HSPA1L: variants seen among roughly 807,000 people sequenced by gnomAD.
The protein encoded by HSPA1L is heat shock 70 kDa protein 1-like.
HSPA1L carries 21 observed loss-of-function variants against 31.5 expected under a neutral mutation model. That is an observed-to-expected ratio of 0.67 (90% CI 0.47 to 0.96). The LOEUF (loss-of-function observed/expected upper bound fraction) is 0.96. Ranked by LOEUF, HSPA1L falls within the 40% of genes least tolerant of loss-of-function variation. The pLI is 0.00. For missense variants in HSPA1L, 709 were observed against 813.4 expected, an observed-to-expected ratio of 0.87 and a Z score of 1.56; for synonymous variants, 293 against 323.1, an observed-to-expected ratio of 0.91 and a Z score of 1.00.
chr6:31,809,832 C>CG lies in HSPA1L; in HGVS notation c.*214dup, dbSNP rs1815286534. The stretch of plus-strand genomic sequence containing the variant: ...ATAACAGACATTCAAATACATCACA[C>CG]GGTTTAAAGAGGGGCCTAGTTTTCC... On this transcript the variant is annotated 3_prime_UTR_variant, in exon 2 of 2. Transcript: ENST00000375654. 1 of 401,422 alleles carries CG rather than the reference C, an allele frequency of 2.5e-6. No individual in the cohort carries two copies. Among genetic ancestry groups the CG allele is most frequent in the Admixed American group, 4.3e-5 (1 of 23,084 alleles). The allele number at this position is 401,422 out of a possible 1,614,324, so 24.9% of individuals were successfully genotyped here. A position where few individuals can be genotyped will look rare whatever the true frequency, so the allele number is the denominator to read the frequency against.
Position 31,815,008 on chromosome 6 carries a change from G to T in HSPA1L, c.-133C>A, listed in dbSNP as rs1181717536. On this transcript the variant is annotated 5_prime_UTR_variant, in exon 1 of 2. Coordinates refer to ENST00000375654, the MANE Select transcript of HSPA1L (RefSeq NM_005527.4). The stretch of plus-strand genomic sequence containing the variant: ...CCGGGGTCCCCCCACCCCCCACCCC[G>T]TCCCTCCCTGCAAATTTGAGACGGC... 1.1e-6 allele frequency: 1 copy of T among 873,514 alleles called. No homozygotes were observed. Among genetic ancestry groups the T allele is most frequent in the Non-Finnish European group, 1.3e-6 (1 of 767,830 alleles). The allele number at this position is 873,514 out of a possible 1,614,324, so 54.1% of individuals were successfully genotyped here. A position where few individuals can be genotyped will look rare whatever the true frequency, so the allele number is the denominator to read the frequency against.
At chr6:31,812,081 T>C (rs1252217972) in intron 1 of HSPA1L, 96 bp from the exon 2 acceptor site, 1 of 1,430,796 alleles carries the variant, frequency 7.0e-7, no homozygotes, top group African/African-American at 1.4e-5. Flanking sequence ...CAGGTTGGAG[T>C]GCAGAGGCGC....
Position 31,811,108 on chromosome 6 carries a change from G to C in HSPA1L, c.865C>G (p.Leu289Val), listed in dbSNP as rs187074836. The C allele has an allele frequency of 5.6e-6, 9 of 1,614,092 alleles. No individual in the cohort carries two copies. The South Asian group carries it at 8.8e-5, about 16-fold the overall frequency. Residue 289 changes from leucine to valine, a missense_variant, in exon 2 of 2, where the codon CTT (leucine) becomes GTT (valine). Physicochemically the swap from Leu to Val is conservative, Grantham distance 32 (BLOSUM62 1). Transcript: ENST00000375654. ...STQANLEIDS[L>V]YEGIDFYTSI... ...GTATAGAAGTCAATGCCTTCATAAA[G>C]TGAATCAATTTCTAGGTTGGCCTGG...
Position 31,810,128 on chromosome 6 carries a change from T to C in HSPA1L, c.1845A>G (p.Gly615=). Residue 615 remains glycine, a synonymous_variant, in exon 2 of 2, where the codon GGA becomes GGG. Transcript: ENST00000375654. ...CNPIITKLYQ[G]GCTGPACGTG... Reference sequence around the variant, plus strand: ...TTCCGCAGGCAGGCCCAGTGCATCCTCCTTGGTAGAGTTTTGTGATGATAG... The same window carrying C: ...TTCCGCAGGCAGGCCCAGTGCATCCCCCTTGGTAGAGTTTTGTGATGATAG... The C allele has an allele frequency of 6.7e-7, 1 of 1,503,184 alleles. No homozygotes were observed. The highest frequency in any genetic ancestry group is 8.8e-7 in the Non-Finnish European group (1 of 1,131,002). The allele number at this position is 1,503,184 out of a possible 1,614,324, so 93.1% of individuals were successfully genotyped here.
In HSPA1L at chr6:31,810,520, T is replaced by G. The variant is rs1815333272; in HGVS notation, c.1453A>C (p.Asn485His). 5.6e-6 allele frequency: 9 copies of G among 1,613,174 alleles called. No individual in the cohort carries two copies. The highest frequency in any genetic ancestry group is 6.8e-6 in the Non-Finnish European group (8 of 1,179,574). ...QIEVTFDIDANGILNVTATDK... is the reference protein window; with the variant it reads ...QIEVTFDIDAHGILNVTATDK... Reference sequence around the variant, plus strand: ...GTGGCTGTGACATTGAGAATACCATTGGCATCAATGTCAAACGTCACCTCG... The same window carrying G: ...GTGGCTGTGACATTGAGAATACCATGGGCATCAATGTCAAACGTCACCTCG... The change falls in exon 2 of 2, where the codon AAT becomes CAT. Residue 485 changes from asparagine to histidine, a missense_variant. Physicochemically the swap from Asn to His is moderately conservative, Grantham distance 68. Transcript: ENST00000375654.
chr6:31,811,529 C>T lies in HSPA1L; in HGVS notation c.444G>A (p.Val148=), dbSNP rs1246640034. ...GTTGAGAGTCATTGAAATAGGCTGG[C>T]ACGGTAATCACTGCATTGGTGACAG... The part of the protein sequence containing the change: ...GHPVTNAVIT[V]PAYFNDSQRQ... The change falls in exon 2 of 2, where the codon GTG becomes GTA. Residue 148 remains valine (V), a synonymous_variant. Transcript: ENST00000375654. The T allele has an allele frequency of 4.3e-6, 7 of 1,614,164 alleles. No individual in the cohort carries two copies. Among genetic ancestry groups the T allele is most frequent in the Non-Finnish European group, 5.9e-6 (7 of 1,180,044 alleles).
Position 31,814,932 on chromosome 6 carries a change from T to C in HSPA1L, c.-57A>G, listed in dbSNP as rs963870612. 2.0e-6 allele frequency: 2 copies of C among 985,680 alleles called. No individual in the cohort carries two copies. Among genetic ancestry groups the C allele is most frequent in the Non-Finnish European group, 2.4e-6 (2 of 830,202 alleles). The allele number at this position is 985,680 out of a possible 1,614,324, so 61.1% of individuals were successfully genotyped here. On this transcript the variant is annotated 5_prime_UTR_variant, in exon 1 of 2. Transcript: ENST00000375654. ...CGCTTCAGTTTGGAAACGTCCAGATTACGCAGCCCCAGCGAGTAGGTGGGG... is the reference window on the plus strand; with the variant it reads ...CGCTTCAGTTTGGAAACGTCCAGATCACGCAGCCCCAGCGAGTAGGTGGGG...
At position 31,810,213 on chromosome 6, in the gene HSPA1L, T is replaced by G. The variant is rs1271096786; in HGVS notation, c.1760A>C (p.Gln587Pro). ...NELLSWLEVN[Q>P]LAEKDEFDHK... ...ATCAAACTCATCTTTCTCTGCCAGT[T>G]GATTGACCTCCAGCCACGAAAGGAG... The change falls in exon 2 of 2, where the codon CAA becomes CCA. Residue 587 changes from glutamine to proline, a missense_variant. Transcript: ENST00000375654. 1 of 1,526,454 alleles carries G rather than the reference T, an allele frequency of 6.6e-7. No individual in the cohort carries two copies. Among genetic ancestry groups the G allele is most frequent in the East Asian group, 2.3e-5 (1 of 44,158 alleles). 94.6% of individuals were successfully genotyped at this position (1,526,454 alleles called of 1,614,324 possible). A position where few individuals can be genotyped will look rare whatever the true frequency, so the allele number is the denominator to read the frequency against.
Position 31,811,803 on chromosome 6 carries a change from G to A in HSPA1L, c.170C>T (p.Ala57Val). The change falls in exon 2 of 2, where the codon GCC (alanine) becomes GTC (valine). Residue 57 changes from alanine (A) to valine (V), a missense_variant. Ala to Val is a moderately conservative substitution (Grantham distance 64, BLOSUM62 0). Transcript: ENST00000375654. ...GGGATTCATTGCTACCTGGTTCTTGGCCGCATCCCCAATGAGCCGCTCGGT... is the reference window on the plus strand; with the variant it reads ...GGGATTCATTGCTACCTGGTTCTTGACCGCATCCCCAATGAGCCGCTCGGT... ...TDTERLIGDA[A>V]KNQVAMNPQN... is the part of the protein sequence containing the mutation. The A allele has an allele frequency of 1.2e-6, 2 of 1,614,094 alleles. No homozygotes were observed. The highest frequency in any genetic ancestry group is 1.7e-6 in the Non-Finnish European group (2 of 1,180,012).
chr6:31,809,923 C>T lies in HSPA1L; in HGVS notation c.*124G>A. The T allele has an allele frequency of 2.5e-6, 2 of 801,656 alleles. No homozygotes were observed. The highest frequency in any genetic ancestry group is 8.7e-5 in the South Asian group (2 of 22,994). The allele number at this position is 801,656 out of a possible 1,614,324, so 49.7% of individuals were successfully genotyped here. A position where few individuals can be genotyped will look rare whatever the true frequency, so the allele number is the denominator to read the frequency against. On this transcript the variant is annotated 3_prime_UTR_variant, in exon 2 of 2. Coordinates refer to ENST00000375654, the MANE Select transcript of HSPA1L (RefSeq NM_005527.4). Reference sequence around the variant, plus strand: ...TGATAGGTGGTGCATGAGACTCCTTCTCCAGAATTTCCAAGGGATGGTAAC... The same window carrying T: ...TGATAGGTGGTGCATGAGACTCCTTTTCCAGAATTTCCAAGGGATGGTAAC...
At position 31,811,855 on chromosome 6, in the gene HSPA1L, T is replaced by G; in HGVS notation, c.118A>C (p.Thr40Pro). The change falls in exon 2 of 2, where the codon ACC (threonine) becomes CCC (proline). Residue 40 changes from threonine to proline, a missense_variant. Thr to Pro is a conservative substitution (Grantham distance 38). Transcript: ENST00000375654. The part of the protein sequence containing the change: ...IIANDQGNRT[T>P]PSYVAFTDTE... ...TCTGTGAAGGCCACGTAGCTGGGGGTGGTGCGGTTGCCCTGGTCGTTGGCG... is the reference window on the plus strand; with the variant it reads ...TCTGTGAAGGCCACGTAGCTGGGGGGGGTGCGGTTGCCCTGGTCGTTGGCG... 1 of 1,614,090 alleles carries G rather than the reference T, an allele frequency of 6.2e-7. No individual in the cohort carries two copies. Among genetic ancestry groups the G allele is most frequent in the South Asian group, 1.1e-5 (1 of 91,076 alleles).
At position 31,815,013 on chromosome 6, in the gene HSPA1L, T is replaced by A. The variant is rs1473988375; in HGVS notation, c.-138A>T. The A allele has an allele frequency of 1.4e-5, 3 of 211,012 alleles. No individual in the cohort carries two copies. The highest frequency in any genetic ancestry group is 1.2e-4 in the African/African-American group (2 of 16,338). The allele number at this position is 211,012 out of a possible 1,614,324, so 13.1% of individuals were successfully genotyped here. A position where few individuals can be genotyped will look rare whatever the true frequency, so the allele number is the denominator to read the frequency against. ...GTCCCCCCACCCCCCACCCCGTCCC[T>A]CCCTGCAAATTTGAGACGGCTCCAA... is the stretch of plus-strand genomic sequence containing the variant. On this transcript the variant is annotated 5_prime_UTR_variant, in exon 1 of 2. Transcript: ENST00000375654.
In HSPA1L at chr6:31,810,531, T is replaced by A. The variant is rs1815334415; in HGVS notation, c.1442A>T (p.Asp481Val). The change falls in exon 2 of 2, where the codon GAC (aspartate) becomes GTC (valine). Residue 481 changes from aspartate (D) to valine (V), a missense_variant. Coordinates refer to ENST00000375654, the MANE Select transcript of HSPA1L (RefSeq NM_005527.4). ...ATTGAGAATACCATTGGCATCAATG[T>A]CAAACGTCACCTCGATCTGAGGAAC... is the stretch of plus-strand genomic sequence containing the variant. ...RGVPQIEVTF[D>V]IDANGILNVT... is the part of the protein sequence containing the mutation. 1 of 1,613,114 alleles carries A rather than the reference T, an allele frequency of 6.2e-7. No homozygotes were observed. Among genetic ancestry groups the A allele is most frequent in the Non-Finnish European group, 8.5e-7 (1 of 1,179,548 alleles).
intron 1 of HSPA1L, among the ~76,000 whole-genome samples, chr6:31,812,777 G>A (rs1262507093): frequency 1.3e-5 from 2 of 152,134 alleles, no homozygotes; most frequent in East Asian, 3.8e-4. Flanking sequence ...TACTCATTAA[G>A]TAACTCCCGT....
At position 31,811,714 on chromosome 6, in the gene HSPA1L, CTT is replaced by C; in HGVS notation, c.257_258del (p.Gln86ArgfsTer12). The C allele has an allele frequency of 6.2e-7, 1 of 1,614,148 alleles. No homozygotes were observed. The highest frequency in any genetic ancestry group is 8.5e-7 in the Non-Finnish European group (1 of 1,180,018). On this transcript the variant is annotated frameshift_variant, in exon 2 of 2. Coordinates refer to ENST00000375654, the MANE Select transcript of HSPA1L (RefSeq NM_005527.4). LOFTEE classifies it high-confidence loss of function. ...TGAAAAGGCCAAAGTTTCATATCTG[CTT>C]GTACAACAGGATCATTAAATTTCCT... The part of the protein sequence containing the change: ...IGRKFNDPVV[Q>X]ADMKLWPFQV...
rs1562338831 is a variant in HSPA1L at position 31,809,909 on chromosome 6, G to C, written c.*138C>G. ...GATGTGAGGGAGTGTGATAGGTGGT[G>C]CATGAGACTCCTTCTCCAGAATTTC... On this transcript the variant is annotated 3_prime_UTR_variant, in exon 2 of 2. Transcript: ENST00000375654. 6.3e-6 allele frequency: 4 copies of C among 634,208 alleles called. No individual in the cohort carries two copies. The highest frequency in any genetic ancestry group is 9.7e-6 in the Non-Finnish European group (4 of 414,050). 39.3% of individuals were successfully genotyped at this position (634,208 alleles called of 1,614,324 possible).
At chr6:31,812,578 C>T (rs1815505607) in intron 1 of HSPA1L, among the ~76,000 whole-genome samples, 1 of 152,200 alleles carries the variant, frequency 6.6e-6, no homozygotes, top group African/African-American at 2.4e-5. Context: ...CAGCCCCAGC[C>T]TCCCCAAGTA....
In HSPA1L at chr6:31,811,024, C is replaced by T. The variant is rs773562809; in HGVS notation, c.949G>A (p.Glu317Lys). 2 of 1,614,184 alleles carry T rather than the reference C, an allele frequency of 1.2e-6. No homozygotes were observed. The highest frequency in any genetic ancestry group is 1.7e-6 in the Non-Finnish European group (2 of 1,180,018). The change falls in exon 2 of 2, where the codon GAG (glutamate) becomes AAG (lysine). Residue 317 changes from glutamate (E) to lysine (K), a missense_variant. Coordinates refer to ENST00000375654, the MANE Select transcript of HSPA1L (RefSeq NM_005527.4). The stretch of plus-strand genomic sequence containing the variant: ...TCCCGAAGCGCTTTTTCTACAGGCT[C>T]CAGGGTACCCCTAAACAGGTCTGCA... ...LCADLFRGTLEPVEKALRDAK... is the reference protein window; with the variant it reads ...LCADLFRGTLKPVEKALRDAK...
At position 31,810,161 on chromosome 6, in the gene HSPA1L, C is replaced by T. The variant is rs954264438; in HGVS notation, c.1812G>A (p.Met604Ile). 4 of 1,527,812 alleles carry T rather than the reference C, an allele frequency of 2.6e-6. No homozygotes were observed. The African/African-American group carries it at 4.2e-5, about 16-fold the overall frequency. The allele number at this position is 1,527,812 out of a possible 1,614,324, so 94.6% of individuals were successfully genotyped here. The change falls in exon 2 of 2, where the codon ATG (methionine) becomes ATA (isoleucine). Residue 604 changes from methionine to isoleucine, a missense_variant. Transcript: ENST00000375654. ...AGAGTTTTGTGATGATAGGGTTACA[C>T]ATCTGCTCCAATTCCTTTCTCTTAT... ...FDHKRKELEQ[M>I]CNPIITKLYQ...
Sources: allele counts gnomAD v4.1 joint callset (sites outside exome capture counted in the v4.1 genomes callset), GRCh38; gene constraint gnomAD v4.1.1; transcripts MANE v1.5; gene names NCBI Gene and HGNC (gene_info 2026-07-23, HGNC 2026-07-21).